The following TLN2 variants were observed in gnomAD, a reference collection of about 807,000 sequenced individuals.
TLN2 encodes talin 2.
A neutral mutation model predicts 294.7 loss-of-function variants in TLN2; 118 were observed. That is an observed-to-expected ratio of 0.40 (90% confidence interval 0.34 to 0.47). The LOEUF (loss-of-function observed/expected upper bound fraction) is 0.47. Among genes scored for constraint, TLN2 ranks in the 20% least tolerant of loss-of-function variants. The pLI is 0.84. For missense variants in TLN2, 3,083 were observed against 3,282.2 expected (o/e 0.94, Z 1.48); for synonymous variants, 1,431 against 1,304.5 (o/e 1.10, Z -2.09).
At chr15:62,401,143 C>T (rs539906358) in intron 1 of TLN2, among the ~76,000 whole-genome samples, 10 of 152,266 alleles carry the variant, frequency 6.6e-5, no homozygotes, top group Admixed American at 2.0e-4. Flanking sequence ...CTGGGACCCT[C>T]GCTTGTCTGG....
At chr15:62,566,750 C>A (rs141611200) in intron 1 of TLN2, among the ~76,000 whole-genome samples, 2 of 151,810 alleles carry the variant, frequency 1.3e-5, no homozygotes, top group East Asian at 3.9e-4. Context: ...CAATCCAGGT[C>A]CTCACTGTGT....
At chr15:62,625,018 G>GT (rs1471805721) in intron 3 of TLN2, among the ~76,000 whole-genome samples, 1 of 152,140 alleles carries the variant, frequency 6.6e-6, no homozygotes, top group Non-Finnish European at 1.5e-5. Flanking sequence ...GCTGCCTGAA[G>GT]GGAATATTGT....
At chr15:62,626,311 CAAAAT>C (rs139876983) in intron 3 of TLN2, among the ~76,000 whole-genome samples, 41,305 of 151,740 alleles carry the variant, frequency 0.27, 6,527 homozygotes, top group East Asian at 0.55. Context: ...GTTGAACAAA[CAAAAT>C]AAAAACCAAA....
chr15:62,674,495 T>G (rs2055891834), intron 10 of TLN2, among the ~76,000 whole-genome samples: 1 of 142,254 alleles, frequency 7.0e-6, no homozygotes, highest in African/African-American at 2.6e-5. Context: ...ATTTACCCTA[T>G]TCTATGGAAA....
intron 45 of TLN2, among the ~76,000 whole-genome samples, chr15:62,787,850 C>G (rs1056587512): frequency 2.0e-5 from 3 of 150,674 alleles, no homozygotes; most frequent in Non-Finnish European, 4.4e-5. Flanking sequence ...CACCATCATG[C>G]CAGGCTGATT....
intron 3 of TLN2, among the ~76,000 whole-genome samples, chr15:62,627,946 C>T (rs775970737): frequency 6.6e-6 from 1 of 152,094 alleles, no homozygotes; most frequent in Non-Finnish European, 1.5e-5. Flanking sequence ...CATGAAGATT[C>T]TAATTATGCT....
At chr15:62,600,484 G>A (rs2140777997) in intron 2 of TLN2, among the ~76,000 whole-genome samples, 1 of 152,192 alleles carries the variant, frequency 6.6e-6, no homozygotes. Context: ...TGTGTTTAAG[G>A]ACCATGTTTT....
At chr15:62,699,098 A>G (rs1406165714) in intron 16 of TLN2, among the ~76,000 whole-genome samples, 1 of 152,100 alleles carries the variant, frequency 6.6e-6, no homozygotes, top group African/African-American at 2.4e-5. Flanking sequence ...CTTGAACCCT[A>G]GGATCCTGTG....
At chr15:62,411,293 G>A (rs1285639909) in intron 1 of TLN2, among the ~76,000 whole-genome samples, 1 of 152,156 alleles carries the variant, frequency 6.6e-6, no homozygotes, top group Non-Finnish European at 1.5e-5. Context: ...GTCCTCATGA[G>A]TAAAACGTGT....
intron 1 of TLN2, among the ~76,000 whole-genome samples, chr15:62,550,219 G>T (rs1049976191): frequency 3.9e-5 from 6 of 152,162 alleles, no homozygotes; most frequent in Non-Finnish European, 7.3e-5. Context: ...AGCAGAGTAT[G>T]TAATGTCCAA....
intron 1 of TLN2, among the ~76,000 whole-genome samples, chr15:62,586,267 A>C (rs2045605699): frequency 6.6e-6 from 1 of 152,252 alleles, no homozygotes; most frequent in African/African-American, 2.4e-5. Flanking sequence ...TTGGAGTCGC[A>C]GATGCTTAAT....
Position 62,740,751 on chromosome 15 carries a change from T to C in TLN2, c.4007T>C (p.Leu1336Pro). Residue 1336 changes from leucine to proline, a missense_variant, in exon 32 of 59, where the codon CTC becomes CCC. Transcript: ENST00000636159. The part of the protein sequence containing the change: ...VDPGAPNAKN[L>P]LAAAARAVTE... ...CCAGGAGCTCCCAATGCGAAAAATCTCCTGGCTGCAGCTGCAAGGTAGGAG... is the reference window on the plus strand; with the variant it reads ...CCAGGAGCTCCCAATGCGAAAAATCCCCTGGCTGCAGCTGCAAGGTAGGAG... The C allele has an allele frequency of 6.2e-7, 1 of 1,614,166 alleles. No individual in the cohort carries two copies. The highest frequency in any genetic ancestry group is 8.5e-7 in the Non-Finnish European group (1 of 1,180,028).
rs190880696 is a variant in TLN2, at chr15:62,511,329, A to G, written c.-237-78358A>G. Among the ~76,000 whole-genome samples the G allele has an allele frequency of 3.6e-3, 554 of 152,330 alleles. 1 individual carries two copies. The highest frequency in any genetic ancestry group is 5.3e-3 in the Non-Finnish European group (363 of 68,040). Reference sequence around the variant, plus strand: ...AAGAATGACTCCATACTTTTCCATGAAAATTCAACACCTGTCCTCAAAACA... The same window carrying G: ...AAGAATGACTCCATACTTTTCCATGGAAATTCAACACCTGTCCTCAAAACA... On this transcript the variant is annotated intron_variant, in intron 1 of 58. Transcript: ENST00000636159.
At position 62,435,264 on chromosome 15, in the gene TLN2, T is replaced by C. The variant is rs1595796754; in HGVS notation, c.-238+44579T>C. Among the ~76,000 whole-genome samples the C allele has an allele frequency of 2.0e-5, 3 of 152,328 alleles. No individual in the cohort carries two copies. In the East Asian group the frequency reaches 5.8e-4, roughly 29 times the overall value. ...ATCTTTATAGTAGAATGATTTATAT[T>C]CCTTTGGGCATATACTCAATAATGG... is the stretch of plus-strand genomic sequence containing the variant. On this transcript the variant is annotated intron_variant, in intron 1 of 58. Coordinates refer to ENST00000636159, the MANE Select transcript of TLN2 (RefSeq NM_015059.3).
chr15:62,727,052 T>C, intron 27 of TLN2, 35 bp from the exon 28 acceptor site: 1 of 1,604,210 alleles, frequency 6.2e-7, no homozygotes, highest in Non-Finnish European at 8.5e-7. Context: ...GTTCCTTTTC[T>C]TCTACGTTCT....
Position 62,394,339 on chromosome 15 carries a change from C to G in TLN2, c.-238+3654C>G, listed in dbSNP as rs186029153. Among the ~76,000 whole-genome samples, 61 of 152,072 alleles carry G rather than the reference C, an allele frequency of 4.0e-4. 1 individual carries two copies. The highest frequency in any genetic ancestry group is 3.4e-3 in the Middle Eastern group (1 of 294). On this transcript the variant is annotated intron_variant, in intron 1 of 58. Coordinates refer to ENST00000636159, the MANE Select transcript of TLN2 (RefSeq NM_015059.3). ...TGTTTTCCTGATGATTTTGAGTGGT[C>G]GTTGGCCAGTACAGGAAGTACTCAA...
intron 37 of TLN2, among the ~76,000 whole-genome samples, chr15:62,758,908 C>G (rs2062479136): frequency 1.3e-5 from 2 of 152,002 alleles, no homozygotes; most frequent in Non-Finnish European, 2.9e-5. Context: ...GGAGTTTAAG[C>G]TTAAATTGTC....
Position 62,725,022 on chromosome 15 carries a change from C to A in TLN2, c.3173C>A (p.Thr1058Lys). 6.2e-7 allele frequency: 1 copy of A among 1,613,350 alleles called. No individual in the cohort carries two copies. Among genetic ancestry groups the A allele is most frequent in the African/African-American group, 1.3e-5 (1 of 75,024 alleles). Residue 1058 changes from threonine (T) to lysine (K), a missense_variant, in exon 27 of 59, where the codon ACG (threonine) becomes AAG (lysine). Physicochemically the swap from Thr to Lys is moderately conservative, Grantham distance 78 (BLOSUM62 -1). Coordinates refer to ENST00000636159, the MANE Select transcript of TLN2 (RefSeq NM_015059.3). ...GPMEIDSALN[T>K]VQTLKNELQD... The stretch of plus-strand genomic sequence containing the variant: ...ATGGAAATCGATTCAGCTCTGAATA[C>A]GGTGCAGACGCTTAAGAATGAACTG...
At chr15:62,645,775 G>GTGAGCTTGAAATACCTGTGGATTGATGT (rs2051756016) in intron 3 of TLN2, among the ~76,000 whole-genome samples, 1 of 152,206 alleles carries the variant, frequency 6.6e-6, no homozygotes, top group Non-Finnish European at 1.5e-5. Flanking sequence ...AAGAAAGAGA[G>GTGAGCTTGAAATACCTGTGGATTGATGT]TGAGCTTGAA....
Sources: gnomAD v4.1 joint callset for allele counts (sites outside exome capture counted in the v4.1 genomes callset) on GRCh38, gnomAD v4.1.1 for gene constraint, MANE v1.5 for transcripts, NCBI Gene and HGNC (gene_info 2026-07-23, HGNC 2026-07-21) for gene names.